The following BMP2K variants were observed in gnomAD, a reference collection of about 807,000 sequenced individuals.
The protein encoded by BMP2K is BMP2 inducible kinase, also known as BMP-2-inducible protein kinase.
A neutral mutation model predicts 116.0 loss-of-function variants in BMP2K; 74 were observed. The ratio of observed to expected loss-of-function variants is 0.64; its 90% CI spans 0.53 to 0.77. The LOEUF (loss-of-function observed/expected upper bound fraction) is 0.77, where lower values mean the gene tolerates loss of function less well. BMP2K is among the 30% of genes least tolerant of loss of function. BMP2K has a pLI of 0.00. For missense variants in BMP2K, 1,365 were observed against 1,403.6 expected, an observed-to-expected ratio of 0.97 and a Z score of 0.44; for synonymous variants, 486 against 502.5, an observed-to-expected ratio of 0.97 and a Z score of 0.44.
intron 1 of BMP2K, among the ~76,000 whole-genome samples, chr4:78,817,834 CATG>C (rs1367336219): frequency 6.6e-6 from 1 of 152,104 alleles, no homozygotes; most frequent in African/African-American, 2.4e-5. Flanking sequence ...GTAGGGGCCC[CATG>C]ATGACTTAAC....
chr4:78,868,606 GTC>G (rs1014059292), intron 10 of BMP2K, among the ~76,000 whole-genome samples: 8 of 152,288 alleles, frequency 5.3e-5, no homozygotes, highest in African/African-American at 1.9e-4. Flanking sequence ...CCACCTATGA[GTC>G]TGTAAAATCA....
At chr4:78,836,341 G>A (rs1375588183) in intron 3 of BMP2K, among the ~76,000 whole-genome samples, 3 of 151,738 alleles carry the variant, frequency 2.0e-5, no homozygotes, top group Non-Finnish European at 4.4e-5. Flanking sequence ...GGCGTGAACC[G>A]GGGAGGTGGA....
Position 78,794,574 on chromosome 4 carries a change from A to AT in BMP2K, c.178+17862dup, listed in dbSNP as rs564575551. Among the ~76,000 whole-genome samples the AT allele has an allele frequency of 5.8e-4, 88 of 151,050 alleles. 1 individual carries two copies. The South Asian group carries it at 0.013, about 23-fold the overall frequency. On this transcript the variant is annotated intron_variant, in intron 1 of 15. Coordinates refer to ENST00000502613, the MANE Select transcript of BMP2K (RefSeq NM_198892.2). Reference sequence around the variant, plus strand: ...CATGTGTTAAAGTGGTAATCATTCTATTTTTTTTTCTTTATTTTTGAGATG... The same window carrying AT: ...CATGTGTTAAAGTGGTAATCATTCTATTTTTTTTTTCTTTATTTTTGAGATG...
intron 1 of BMP2K, among the ~76,000 whole-genome samples, chr4:78,822,235 C>T (rs1183852653): frequency 3.3e-5 from 5 of 152,120 alleles, no homozygotes; most frequent in Non-Finnish European, 5.9e-5. Context: ...CAAAACTACT[C>T]TCTCATTTTA....
chr4:78,802,088 C>T (rs1020190363), intron 1 of BMP2K, among the ~76,000 whole-genome samples: 3 of 152,128 alleles, frequency 2.0e-5, no homozygotes, highest in East Asian at 1.9e-4. Flanking sequence ...GAGTTTTGCT[C>T]GATATAGACT....
chr4:78,886,552 C>T (rs1224550821), intron 14 of BMP2K, among the ~76,000 whole-genome samples: 1 of 151,704 alleles, frequency 6.6e-6, no homozygotes, highest in African/African-American at 2.4e-5. Context: ...TAGAATAGTG[C>T]CTGGCACATT....
At chr4:78,783,978 A>G (rs1206466595) in intron 1 of BMP2K, among the ~76,000 whole-genome samples, 3 of 152,194 alleles carry the variant, frequency 2.0e-5, no homozygotes, top group Non-Finnish European at 1.5e-5. Flanking sequence ...AATAATGAAA[A>G]TGAATTAATA....
chr4:78,829,359 C>T (rs1038680117), intron 2 of BMP2K, among the ~76,000 whole-genome samples: 12 of 151,860 alleles, frequency 7.9e-5, no homozygotes, highest in African/African-American at 2.9e-4. Flanking sequence ...CATTTCACAG[C>T]AATTCTGTCA....
intron 1 of BMP2K, among the ~76,000 whole-genome samples, chr4:78,811,915 TTCTA>T (rs1729111069): frequency 6.6e-6 from 1 of 152,152 alleles, no homozygotes; most frequent in African/African-American, 2.4e-5. Context: ...GTTACTGAAG[TTCTA>T]TCTAGTCTCA....
chr4:78,845,155 C>A, intron 5 of BMP2K, 106 bp downstream of exon 5: 1 of 996,244 alleles, frequency 1.0e-6, no homozygotes, highest in Admixed American at 3.1e-5. Flanking sequence ...TTATAGATTT[C>A]TTTGAAATAT....
At chr4:78,906,334 T>C (rs1447781401) in intron 15 of BMP2K, among the ~76,000 whole-genome samples, 1 of 152,094 alleles carries the variant, frequency 6.6e-6, no homozygotes, top group Non-Finnish European at 1.5e-5. Flanking sequence ...GGATAAATAT[T>C]TTTGATTGTT....
chr4:78,842,298 T>G lies in BMP2K; in HGVS notation c.404-87T>G. The G allele has an allele frequency of 2.5e-6, 3 of 1,215,796 alleles. No homozygotes were observed. The South Asian group carries it at 5.5e-5, about 22-fold the overall frequency. 75.3% of individuals were successfully genotyped at this position (1,215,796 alleles called of 1,614,324 possible). A position where few individuals can be genotyped will look rare whatever the true frequency, so the allele number is the denominator to read the frequency against. On this transcript the variant is annotated intron_variant, in intron 3 of 15. Transcript: ENST00000502613. The stretch of plus-strand genomic sequence containing the variant: ...TATGAAAAAGCCAATTTCCCATTAC[T>G]TGAAGCCATAAAGACATTTCTTAAT...
chr4:78,825,014 C>T (rs1469064188), intron 1 of BMP2K, among the ~76,000 whole-genome samples: 2 of 152,088 alleles, frequency 1.3e-5, no homozygotes. Flanking sequence ...AGCAGCCTGG[C>T]CAACATAGTG....
intron 14 of BMP2K, among the ~76,000 whole-genome samples, chr4:78,881,146 G>C (rs1201837442): frequency 6.6e-6 from 1 of 152,050 alleles, no homozygotes; most frequent in Non-Finnish European, 1.5e-5. Flanking sequence ...TACTTCATAG[G>C]GTTGTCCAGA....
intron 15 of BMP2K, among the ~76,000 whole-genome samples, chr4:78,899,750 C>T (rs992648143): frequency 6.6e-6 from 1 of 151,802 alleles, no homozygotes; most frequent in Non-Finnish European, 1.5e-5. Context: ...TTAGATTTAG[C>T]ATTTAGTAAT....
chr4:78,862,574 A>G (rs373277500), intron 9 of BMP2K, among the ~76,000 whole-genome samples: 5 of 152,070 alleles, frequency 3.3e-5, no homozygotes, highest in African/African-American at 9.7e-5. Flanking sequence ...ATAAATGCCA[A>G]TCATGAACAA....
At position 78,779,827 on chromosome 4, in the gene BMP2K, A is replaced by G. The variant is rs115555184; in HGVS notation, c.178+3106A>G. Among the ~76,000 whole-genome samples the G allele has an allele frequency of 9.1e-3, 1,393 of 152,320 alleles. 8 individuals are homozygous for G. Among genetic ancestry groups the G allele is most frequent in the Non-Finnish European group, 0.013 (867 of 68,032 alleles). On this transcript the variant is annotated intron_variant, in intron 1 of 15. Coordinates refer to ENST00000502613, the MANE Select transcript of BMP2K (RefSeq NM_198892.2). ...TTGTATCATAATGTCTTTGTAGTCAAGCACATAAGTGTTTGAAAATAGAAC... is the reference window on the plus strand; with the variant it reads ...TTGTATCATAATGTCTTTGTAGTCAGGCACATAAGTGTTTGAAAATAGAAC...
intron 2 of BMP2K, among the ~76,000 whole-genome samples, chr4:78,826,733 A>G (rs1206494247): frequency 6.6e-6 from 1 of 152,154 alleles, no homozygotes; most frequent in African/African-American, 2.4e-5. Context: ...TGTAACCTAC[A>G]CACATCATCC....
At chr4:78,812,131 C>T (rs1223803955) in intron 1 of BMP2K, among the ~76,000 whole-genome samples, 1 of 152,040 alleles carries the variant, frequency 6.6e-6, no homozygotes. Flanking sequence ...CCACGCCTGG[C>T]TAATTTTTGT....
Sources: gnomAD v4.1 joint callset for allele counts (sites outside exome capture counted in the v4.1 genomes callset) on GRCh38, gnomAD v4.1.1 for gene constraint, MANE v1.5 for transcripts, NCBI Gene and HGNC (gene_info 2026-07-23, HGNC 2026-07-21) for gene names.